SLC6A2: variants seen among roughly 807,000 people sequenced by gnomAD.
SLC6A2 encodes the protein solute carrier family 6 member 2, also known as sodium-dependent noradrenaline transporter.
Under a neutral mutation model 71.7 loss-of-function variants are expected in SLC6A2, and 26 were observed. The observed-to-expected ratio is 0.36, with a 90% CI of 0.27 to 0.50. SLC6A2 has a LOEUF of 0.50. Ranked by LOEUF, SLC6A2 falls within the 20% of genes least tolerant of loss-of-function variation. The pLI is 0.96. For missense variants in SLC6A2, 581 were observed against 803.9 expected, an observed-to-expected ratio of 0.72 and a Z score of 3.35; for synonymous variants, 363 against 337.9, an observed-to-expected ratio of 1.07 and a Z score of -0.82.
intron 5 of SLC6A2, among the ~76,000 whole-genome samples, chr16:55,688,828 C>G (rs1410507866): frequency 1.3e-5 from 2 of 152,180 alleles, no homozygotes; most frequent in Admixed American, 1.3e-4. Context: ...CTGGGCAGCT[C>G]TTTCCCTTGA....
At chr16:55,674,578 C>A (rs1336320453) in intron 4 of SLC6A2, among the ~76,000 whole-genome samples, 1 of 152,062 alleles carries the variant, frequency 6.6e-6, no homozygotes, top group Non-Finnish European at 1.5e-5. Flanking sequence ...GCACCCACCA[C>A]AACGCCTGGC....
chr16:55,692,823 T>C (rs2142589356), intron 6 of SLC6A2, among the ~76,000 whole-genome samples: 1 of 152,264 alleles, frequency 6.6e-6, no homozygotes, highest in South Asian at 2.1e-4. Flanking sequence ...TACATCTCCA[T>C]AGTTGTAATG....
Position 55,695,365 on chromosome 16 carries a change from T to C in SLC6A2, c.1110T>C (p.His370=), listed in dbSNP as rs545884877. The change falls in exon 8 of 15, where the codon CAT becomes CAC. Residue 370 remains histidine, a synonymous_variant. Coordinates refer to ENST00000568943, the MANE Select transcript of SLC6A2 (RefSeq NM_001172501.3). ...TCTCCATCCTTGGTTACATGGCCCA[T>C]GAACACAAGGTCAACATTGAGGATG... ...AIFSILGYMA[H]EHKVNIEDVA... is the part of the protein sequence containing the mutation. 3.3e-5 allele frequency: 54 copies of C among 1,614,228 alleles called. No homozygotes were observed. In the South Asian group the frequency reaches 5.4e-4, roughly 16 times the overall value.
At chr16:55,687,619 C>T (rs1005118875) in intron 5 of SLC6A2, among the ~76,000 whole-genome samples, 3 of 152,200 alleles carry the variant, frequency 2.0e-5, no homozygotes, top group South Asian at 2.1e-4. Context: ...TCTGCAGGCA[C>T]AGACAGAGAC....
chr16:55,692,925 A>G (rs1965682075), intron 6 of SLC6A2, among the ~76,000 whole-genome samples: 1 of 152,230 alleles, frequency 6.6e-6, no homozygotes, highest in Non-Finnish European at 1.5e-5. Context: ...TAAGACATGA[A>G]TCAGCCTCGT....
At chr16:55,683,930 T>C (rs893640747) in intron 4 of SLC6A2, among the ~76,000 whole-genome samples, 8 of 152,154 alleles carry the variant, frequency 5.3e-5, no homozygotes, top group Non-Finnish European at 1.5e-5. Flanking sequence ...CAGACGGAAG[T>C]GCTCTTCTGG....
At chr16:55,692,765 T>A (rs570935316) in intron 6 of SLC6A2, among the ~76,000 whole-genome samples, 1 of 152,262 alleles carries the variant, frequency 6.6e-6, no homozygotes, top group South Asian at 2.1e-4. Flanking sequence ...CCCATAATAA[T>A]CCTGGCAGGC....
At position 55,701,914 on chromosome 16, in the gene SLC6A2, A is replaced by AG; in HGVS notation, c.1813dup (p.Asp605GlyfsTer53). ...GAACGAGCACCACCTGGTGGCTCAGAGGGACATCAGACAGTTCCAGGTGGG... is the reference window on the plus strand; with the variant it reads ...GAACGAGCACCACCTGGTGGCTCAGAGGGGACATCAGACAGTTCCAGGTGGG... On this transcript the variant is annotated frameshift_variant, in exon 14 of 15. Transcript: ENST00000568943. LOFTEE classifies it high-confidence loss of function. 1 of 1,613,854 alleles carries AG rather than the reference A, an allele frequency of 6.2e-7. No homozygotes were observed. Among genetic ancestry groups the AG allele is most frequent in the East Asian group, 2.2e-5 (1 of 44,868 alleles).
At chr16:55,695,540 T>A in intron 8 of SLC6A2, 138 bp downstream of exon 8, 1 of 949,110 alleles carries the variant, frequency 1.1e-6, no homozygotes, top group Non-Finnish European at 1.6e-6. Context: ...CCCATGTGAT[T>A]GACTTTCCTT....
chr16:55,685,555 A>G (rs1965425931), intron 5 of SLC6A2, among the ~76,000 whole-genome samples: 1 of 152,176 alleles, frequency 6.6e-6, no homozygotes, highest in Non-Finnish European at 1.5e-5. Context: ...CCCTAATAGC[A>G]GAGACCAGGG....
At chr16:55,671,167 G>A (rs747419513) in intron 3 of SLC6A2, among the ~76,000 whole-genome samples, 1 of 152,220 alleles carries the variant, frequency 6.6e-6, no homozygotes, top group Non-Finnish European at 1.5e-5. Context: ...TCCTTAGGGA[G>A]CAGCAACTGG....
rs1966047750 is a variant in SLC6A2 at position 55,703,970 on chromosome 16, G to C, written c.*1624G>C. Reference sequence around the variant, plus strand: ...AAAAGAGGGAAAATCAGGAGACTTTGAATCTTTCTGTATAAAAAGGTCAGC... The same window carrying C: ...AAAAGAGGGAAAATCAGGAGACTTTCAATCTTTCTGTATAAAAAGGTCAGC... On this transcript the variant is annotated 3_prime_UTR_variant, in exon 15 of 15. Transcript: ENST00000568943. 1 of 196,862 alleles carries C rather than the reference G, an allele frequency of 5.1e-6. No homozygotes were observed. The highest frequency in any genetic ancestry group is 9.2e-6 in the Non-Finnish European group (1 of 108,866). The allele number at this position is 196,862 out of a possible 1,614,324, so 12.2% of individuals were successfully genotyped here. A position where few individuals can be genotyped will look rare whatever the true frequency, so the allele number is the denominator to read the frequency against.
intron 4 of SLC6A2, among the ~76,000 whole-genome samples, chr16:55,678,692 C>T (rs1016632805): frequency 1.6e-4 from 24 of 152,172 alleles, no homozygotes; most frequent in African/African-American, 5.3e-4. Flanking sequence ...AGAAAAGTCT[C>T]CCTCCAGCCT....
rs377530634 is a variant in SLC6A2, at chr16:55,694,024, C to T, written c.933C>T (p.Ala311=). 40 of 1,612,452 alleles carry T rather than the reference C, an allele frequency of 2.5e-5. No homozygotes were observed. The highest frequency in any genetic ancestry group is 3.1e-5 in the Non-Finnish European group (36 of 1,178,632). The change falls in exon 7 of 15, where the codon GCC becomes GCT. Residue 311 remains alanine, a synonymous_variant. Transcript: ENST00000568943. The stretch of plus-strand genomic sequence containing the variant: ...GCTGGTTTCAGGTATGGATTGATGC[C>T]GCAACTCAGATATTTTTTTCCTTGG... ...RLKEATVWID[A]ATQIFFSLGA...
At chr16:55,660,265 G>A (rs2142484766) in intron 2 of SLC6A2, among the ~76,000 whole-genome samples, 1 of 152,308 alleles carries the variant, frequency 6.6e-6, no homozygotes, top group South Asian at 2.1e-4. Flanking sequence ...TAAGGGTGCA[G>A]GGGCAAGTTG....
rs938372864 is a variant in SLC6A2, at chr16:55,697,955, G to A, written c.1319G>A (p.Arg440Gln). ...GLADDFQVLK[R>Q]HRKLFTFGVT... ...GCAGATGACTTCCAGGTCCTGAAGC[G>A]ACACCGGAAACTCTTCACATTTGGC... is the stretch of plus-strand genomic sequence containing the variant. The change falls in exon 10 of 15, where the codon CGA (arginine) becomes CAA (glutamine). Residue 440 changes from arginine to glutamine, a missense_variant. This residue lies in a region of SLC6A2 where 334 missense variants were observed against 449.0 expected (regional missense o/e 0.74). Transcript: ENST00000568943. 33 of 1,613,942 alleles carry A rather than the reference G, an allele frequency of 2.0e-5. No homozygotes were observed. The highest frequency in any genetic ancestry group is 3.3e-4 in the Middle Eastern group (2 of 6,082).
chr16:55,683,638 GAAACA>G (rs1432205290), intron 4 of SLC6A2, among the ~76,000 whole-genome samples: 2 of 144,902 alleles, frequency 1.4e-5, no homozygotes, highest in African/African-American at 2.6e-5. Context: ...ACAAACAAAC[GAAACA>G]AAACAAAACA....
At chr16:55,693,141 C>T (rs1299624779) in intron 6 of SLC6A2, among the ~76,000 whole-genome samples, 1 of 152,160 alleles carries the variant, frequency 6.6e-6, no homozygotes, top group Non-Finnish European at 1.5e-5. Flanking sequence ...AATCCCAGCA[C>T]TTTGGGAGGC....
chr16:55,705,141 T>C lies in SLC6A2; in HGVS notation c.*2795T>C. On this transcript the variant is annotated 3_prime_UTR_variant, in exon 15 of 15. Coordinates refer to ENST00000568943, the MANE Select transcript of SLC6A2 (RefSeq NM_001172501.3). ...ATTATTTTTCATGAAATGTAAAATATCAGTTTGAGAACATCACATTTACGT... is the reference window on the plus strand; with the variant it reads ...ATTATTTTTCATGAAATGTAAAATACCAGTTTGAGAACATCACATTTACGT... The C allele has an allele frequency of 1.9e-6, 2 of 1,045,652 alleles. No individual in the cohort carries two copies. The highest frequency in any genetic ancestry group is 2.6e-5 in the East Asian group (1 of 38,678). The allele number at this position is 1,045,652 out of a possible 1,614,324, so 64.8% of individuals were successfully genotyped here.
Sources: gnomAD v4.1 joint callset for allele counts (sites outside exome capture counted in the v4.1 genomes callset) on GRCh38, gnomAD v4.1.1 for gene constraint, gnomAD v4.1.1 regional missense constraint, MANE v1.5 for transcripts, NCBI Gene and HGNC (gene_info 2026-07-23, HGNC 2026-07-21) for gene names.